The following OSBPL8 variants were observed in gnomAD, a reference collection of about 807,000 sequenced individuals.
OSBPL8 encodes oxysterol-binding protein-related protein 8.
In OSBPL8, 59 loss-of-function variants were observed where a neutral mutation model predicts 125.5. The observed-to-expected ratio is 0.47, with a 90% CI of 0.38 to 0.58. The LOEUF (loss-of-function observed/expected upper bound fraction) is 0.58. Ranked by LOEUF, OSBPL8 falls within the 20% of genes least tolerant of loss-of-function variation. The pLI is 0.00. For missense variants in OSBPL8, 758 were observed against 1,047.8 expected (o/e 0.72, Z 3.82); for synonymous variants, 330 against 338.9 (o/e 0.97, Z 0.29).
intron 1 of OSBPL8, among the ~76,000 whole-genome samples, chr12:76,502,908 T>C (rs1749125162): frequency 6.6e-6 from 1 of 152,254 alleles, no homozygotes; most frequent in Non-Finnish European, 1.5e-5. Flanking sequence ...GTATCAAATA[T>C]CTTTGTTTTC....
chr12:76,531,240 C>A lies in OSBPL8; in HGVS notation c.-68+28157G>T, dbSNP rs187167306. Among the ~76,000 whole-genome samples the A allele has an allele frequency of 3.4e-3, 514 of 152,274 alleles. 2 individuals carry two copies. The highest frequency in any genetic ancestry group is 5.8e-3 in the Non-Finnish European group (395 of 68,012). ...AGTGCTTTTTAAAGTCATTGTATCA[C>A]CTTTTATCACTCACTTAGCATCATA... On this transcript the variant is annotated intron_variant, in intron 1 of 23. Transcript: ENST00000261183.
chr12:76,432,435 G>A (rs1346496680), intron 4 of OSBPL8, among the ~76,000 whole-genome samples: 1 of 152,056 alleles, frequency 6.6e-6, no homozygotes, highest in Non-Finnish European at 1.5e-5. Context: ...TTAAAAATTA[G>A]CCGGGTGTGG....
chr12:76,545,485 A>C (rs970079832), intron 1 of OSBPL8, among the ~76,000 whole-genome samples: 2 of 152,214 alleles, frequency 1.3e-5, no homozygotes, highest in Non-Finnish European at 2.9e-5. Context: ...TTCATTACTA[A>C]GGATCAAAGC....
chr12:76,487,021 A>ATTTTTTTTTTT (rs63178360), intron 2 of OSBPL8, among the ~76,000 whole-genome samples: 1 of 101,896 alleles, frequency 9.8e-6, no homozygotes, highest in African/African-American at 3.9e-5. Context: ...TGCAATTTTC[A>ATTTTTTTTTTT]TTTTTTTTTT....
intron 4 of OSBPL8, among the ~76,000 whole-genome samples, chr12:76,442,707 T>TC (rs1384093805): frequency 2.0e-5 from 3 of 152,144 alleles, no homozygotes; most frequent in African/African-American, 7.2e-5. Flanking sequence ...ATGTGTACAG[T>TC]CCCACATATG....
intron 15 of OSBPL8, among the ~76,000 whole-genome samples, chr12:76,381,421 C>A (rs538817325): frequency 2.0e-4 from 31 of 152,274 alleles, no homozygotes; most frequent in African/African-American, 7.2e-4. Flanking sequence ...AAAGCTATTA[C>A]AATTTTACAC....
rs186083628 is a variant in OSBPL8, at chr12:76,541,943, G to A, written c.-68+17454C>T. Among the ~76,000 whole-genome samples the A allele has an allele frequency of 1.0e-3, 159 of 152,238 alleles. 1 individual carries two copies. The highest frequency in any genetic ancestry group is 2.8e-3 in the African/African-American group (118 of 41,532). ...TCCCAGCACTTTGGGAGGCCAAGGC[G>A]GGAGGATCACCTGAGGTTGGGAGTT... On this transcript the variant is annotated intron_variant, in intron 1 of 23. Transcript: ENST00000261183.
chr12:76,454,729 T>TAAAAAAAAAAAAAAAAAA (rs140485885), intron 3 of OSBPL8, among the ~76,000 whole-genome samples: 1 of 117,084 alleles, frequency 8.5e-6, no homozygotes, highest in Non-Finnish European at 1.9e-5. Context: ...TTTAAAAAAT[T>TAAAAAAAAAAAAAAAAAA]AAAAAAAAAA....
At chr12:76,488,222 A>G (rs796295566) in intron 1 of OSBPL8, among the ~76,000 whole-genome samples, 1 of 152,226 alleles carries the variant, frequency 6.6e-6, no homozygotes, top group Non-Finnish European at 1.5e-5. Context: ...ATACAATAGA[A>G]TATCATGCAG....
intron 1 of OSBPL8, among the ~76,000 whole-genome samples, chr12:76,520,353 A>G (rs2137256777): frequency 6.6e-6 from 1 of 152,292 alleles, no homozygotes; most frequent in South Asian, 2.1e-4. Context: ...ATTTCTAAAT[A>G]TTTGTTTATC....
intron 2 of OSBPL8, among the ~76,000 whole-genome samples, chr12:76,482,482 G>T (rs1297378396): frequency 6.6e-6 from 1 of 152,042 alleles, no homozygotes; most frequent in Non-Finnish European, 1.5e-5. Context: ...GCGTGGTGGC[G>T]CATGCCTGTA....
Position 76,392,642 on chromosome 12 carries a change from T to C in OSBPL8, c.868A>G (p.Thr290Ala). ...AGTAAGCCATAGAAAGTCACATGTG[T>C]GCTATCTGATGAAACGCTCAGGTCA... The part of the protein sequence containing the change: ...EHDLSVSSDS[T>A]HVTFYGLLRA... The change falls in exon 10 of 24, where the codon ACA (threonine) becomes GCA (alanine). Residue 290 changes from threonine to alanine, a missense_variant. Physicochemically the swap from Thr to Ala is moderately conservative, Grantham distance 58. Transcript: ENST00000261183. The C allele has an allele frequency of 6.2e-7, 1 of 1,614,090 alleles. No homozygotes were observed. Among genetic ancestry groups the C allele is most frequent in the Non-Finnish European group, 8.5e-7 (1 of 1,179,942 alleles).
chr12:76,434,969 G>C (rs12814067), intron 4 of OSBPL8, among the ~76,000 whole-genome samples: 33,283 of 152,064 alleles, frequency 0.22, 3,879 homozygotes, highest in Non-Finnish European at 0.27. Flanking sequence ...ATTCAAAATA[G>C]AATTACTGTA....
At chr12:76,416,938 C>A (rs928062351) in intron 4 of OSBPL8, among the ~76,000 whole-genome samples, 2 of 152,052 alleles carry the variant, frequency 1.3e-5, no homozygotes, top group Non-Finnish European at 2.9e-5. Flanking sequence ...AGTGGTTACA[C>A]TCAGAAATTA....
chr12:76,516,689 G>C (rs1399615278), intron 1 of OSBPL8, among the ~76,000 whole-genome samples: 3 of 152,074 alleles, frequency 2.0e-5, no homozygotes, highest in Non-Finnish European at 4.4e-5. Context: ...TACCAAGTGA[G>C]ATTTAAAAAA....
chr12:76,398,119 T>G (rs531290768), intron 7 of OSBPL8, among the ~76,000 whole-genome samples: 31 of 152,306 alleles, frequency 2.0e-4, no homozygotes, highest in African/African-American at 7.2e-4. Context: ...GCCAACAGTT[T>G]CAAAGTAGTG....
At chr12:76,458,404 A>T (rs1874318687) in intron 3 of OSBPL8, among the ~76,000 whole-genome samples, 1 of 151,926 alleles carries the variant, frequency 6.6e-6, no homozygotes, top group Admixed American at 6.6e-5. Context: ...AAGAATGAAA[A>T]AAGGGCTAGG....
intron 1 of OSBPL8, among the ~76,000 whole-genome samples, chr12:76,492,598 G>A (rs1410899936): frequency 1.3e-5 from 2 of 152,156 alleles, no homozygotes; most frequent in Non-Finnish European, 1.5e-5. Context: ...ATCAGTGGCA[G>A]CATTAGATTC....
At position 76,469,976 on chromosome 12, in the gene OSBPL8, T is replaced by C. The variant is rs548284915; in HGVS notation, c.43-10081A>G. Among the ~76,000 whole-genome samples the C allele has an allele frequency of 1.1e-4, 16 of 152,316 alleles. 1 individual carries two copies. In the South Asian group the frequency reaches 3.1e-3, roughly 30 times the overall value. The stretch of plus-strand genomic sequence containing the variant: ...TCTTTGGCCATCTGATAAGCCCAAA[T>C]TCCATCACTAAGAATTCCCTCATTC... On this transcript the variant is annotated intron_variant, in intron 2 of 23. Transcript: ENST00000261183.
Sources: gnomAD v4.1 joint callset for allele counts (sites outside exome capture counted in the v4.1 genomes callset) on GRCh38, gnomAD v4.1.1 for gene constraint, MANE v1.5 for transcripts, NCBI Gene and HGNC (gene_info 2026-07-23, HGNC 2026-07-21) for gene names.